The following EFHC2 variants were observed in gnomAD, a reference collection of about 807,000 sequenced individuals.
EFHC2 encodes EF-hand domain containing 2.
In EFHC2, 18 loss-of-function variants were observed where a neutral mutation model predicts 52.7. The observed-to-expected ratio is 0.34, with a 90% CI of 0.24 to 0.51. The LOEUF (loss-of-function observed/expected upper bound fraction) is 0.51, where lower values mean the gene tolerates loss of function less well. Ranked by LOEUF, EFHC2 falls within the 20% of genes least tolerant of loss-of-function variation. EFHC2 has a pLI of 0.97. For synonymous variants in EFHC2, 203 were observed against 204.1 expected, an observed-to-expected ratio of 0.99 and a Z score of 0.04; for missense variants, 513 against 562.5, an observed-to-expected ratio of 0.91 and a Z score of 0.89.
intron 11 of EFHC2, among the ~76,000 whole-genome samples, chrX:44,195,294 C>T (rs911010683): frequency 7.2e-5 from 8 of 111,542 alleles, no homozygotes; most frequent in African/African-American, 2.0e-4. Flanking sequence ...TGGGTTAGCC[C>T]GCTGCTCCTT....
chrX:44,282,051 C>T (rs1025313769), intron 2 of EFHC2, among the ~76,000 whole-genome samples: 7 of 110,502 alleles, frequency 6.3e-5, no homozygotes, highest in African/African-American at 2.3e-4. Flanking sequence ...AACTCCATTT[C>T]CCCGCACGTA....
intron 2 of EFHC2, among the ~76,000 whole-genome samples, chrX:44,311,756 C>T (rs1166093457): frequency 8.9e-6 from 1 of 112,241 alleles, no homozygotes; most frequent in Non-Finnish European, 1.9e-5. Flanking sequence ...CTTCTTGCCA[C>T]ATCACATTTT....
intron 4 of EFHC2, among the ~76,000 whole-genome samples, chrX:44,257,485 T>A (rs2037500693): frequency 8.9e-6 from 1 of 111,871 alleles, no homozygotes; most frequent in South Asian, 3.7e-4. Context: ...CAAGCATTCC[T>A]GTACACCAAT....
At chrX:44,320,495 C>G (rs2038011388) in intron 1 of EFHC2, among the ~76,000 whole-genome samples, 1 of 111,546 alleles carries the variant, frequency 9.0e-6, no homozygotes, top group Non-Finnish European at 1.9e-5. Context: ...TGCAACTAAG[C>G]AAACAAAAGT....
At chrX:44,170,288 T>A (rs1323003659) in intron 13 of EFHC2, among the ~76,000 whole-genome samples, 6 of 111,294 alleles carry the variant, frequency 5.4e-5, no homozygotes, top group Non-Finnish European at 9.4e-5. Flanking sequence ...CGTAGCTTCC[T>A]GGGCCACTGA....
chrX:44,158,799 AG>A (rs1204203393), intron 14 of EFHC2, among the ~76,000 whole-genome samples: 1 of 111,554 alleles, frequency 9.0e-6, no homozygotes, highest in East Asian at 2.8e-4. Flanking sequence ...CAAGCTGGGG[AG>A]GAGGCTGTCA....
intron 11 of EFHC2, among the ~76,000 whole-genome samples, chrX:44,215,529 T>TG (rs375720323): frequency 0.06 from 4,373 of 73,448 alleles, 148 homozygotes; most frequent in Non-Finnish European, 0.096. Flanking sequence ...ATACTTCCAT[T>TG]GGGGGGGGGT....
chrX:44,302,720 G>A (rs1373489203), intron 2 of EFHC2, among the ~76,000 whole-genome samples: 2 of 111,906 alleles, frequency 1.8e-5, no homozygotes, highest in African/African-American at 3.2e-5. Flanking sequence ...AACGGCAAAT[G>A]TATTGCAATT....
chrX:44,291,708 C>T (rs1468141014), intron 2 of EFHC2, among the ~76,000 whole-genome samples: 5 of 112,006 alleles, frequency 4.5e-5, no homozygotes, highest in African/African-American at 9.7e-5. Context: ...AAAATCAACA[C>T]TTGCTAACCA....
At chrX:44,233,247 T>C (rs1268653822) in intron 9 of EFHC2, among the ~76,000 whole-genome samples, 1 of 112,103 alleles carries the variant, frequency 8.9e-6, no homozygotes, top group African/African-American at 3.2e-5. Flanking sequence ...TGATGTCTTA[T>C]ACTTAATCTG....
intron 10 of EFHC2, among the ~76,000 whole-genome samples, chrX:44,231,872 T>C (rs2037280706): frequency 8.9e-6 from 1 of 112,383 alleles, no homozygotes; most frequent in Admixed American, 9.4e-5. Flanking sequence ...TTTATCAATA[T>C]GTTATTTTTA....
intron 11 of EFHC2, among the ~76,000 whole-genome samples, chrX:44,203,942 G>A (rs1428924163): frequency 1.8e-5 from 2 of 109,843 alleles, no homozygotes; most frequent in Non-Finnish European, 3.8e-5. Context: ...ATCAGGGCAG[G>A]TGCGTCCACC....
At chrX:44,248,019 G>A (rs12557730) in intron 7 of EFHC2, among the ~76,000 whole-genome samples, 10,529 of 111,130 alleles carry the variant, frequency 0.095, 488 homozygotes, top group Admixed American at 0.23. Flanking sequence ...CTCACTCTTT[G>A]CTCACTGTAT....
chrX:44,341,767 G>T (rs2038153235), intron 1 of EFHC2, among the ~76,000 whole-genome samples: 1 of 112,515 alleles, frequency 8.9e-6, no homozygotes, highest in Admixed American at 9.4e-5. Context: ...TTAATTTCTT[G>T]ATATTCATTT....
At chrX:44,341,670 G>A (rs1217260700) in intron 1 of EFHC2, among the ~76,000 whole-genome samples, 6 of 111,959 alleles carry the variant, frequency 5.4e-5, no homozygotes, top group South Asian at 3.7e-4. Flanking sequence ...GGCTGGTCTC[G>A]AACTCCTGGG....
intron 11 of EFHC2, among the ~76,000 whole-genome samples, chrX:44,228,249 C>T (rs2037247759): frequency 8.9e-6 from 1 of 111,946 alleles, no homozygotes; most frequent in African/African-American, 3.3e-5. Context: ...GTCAGGCCTC[C>T]ATCTGCAAAG....
At position 44,174,808 on chromosome X, in the gene EFHC2, C is replaced by T. The variant is rs572296193; in HGVS notation, c.2042+1484G>A. The stretch of plus-strand genomic sequence containing the variant: ...CCTGCCTACTTCATCTCAGTTCCTT[C>T]ACGGCAGGATCCCTCACACGGCTGC... On this transcript the variant is annotated intron_variant, in intron 13 of 14. Coordinates refer to ENST00000420999, the MANE Select transcript of EFHC2 (RefSeq NM_025184.4). 2.7e-5 allele frequency among the ~76,000 whole-genome samples: 3 copies of T among 111,276 alleles called. No individual in the cohort carries two copies. The South Asian group carries it at 1.2e-3, about 43-fold the overall frequency.
chrX:44,300,015 A>G (rs1469326994), intron 2 of EFHC2, among the ~76,000 whole-genome samples: 1 of 111,889 alleles, frequency 8.9e-6, no homozygotes, highest in Non-Finnish European at 1.9e-5. Flanking sequence ...ACCCACCATC[A>G]GCGTTACAAA....
At chrX:44,302,347 G>A (rs1331476921) in intron 2 of EFHC2, among the ~76,000 whole-genome samples, 1 of 112,044 alleles carries the variant, frequency 8.9e-6, no homozygotes, top group African/African-American at 3.2e-5. Flanking sequence ...TTGTCAAATA[G>A]CTAAATTCTA....
Sources: allele counts gnomAD v4.1 joint callset (sites outside exome capture counted in the v4.1 genomes callset), GRCh38; gene constraint gnomAD v4.1.1; transcripts MANE v1.5; gene names NCBI Gene and HGNC (gene_info 2026-07-23, HGNC 2026-07-21).